The following ATF7IP variants were observed in gnomAD, a reference collection of about 807,000 sequenced individuals.
ATF7IP encodes activating transcription factor 7 interacting protein, also known as activating transcription factor 7-interacting protein 1.
A neutral mutation model predicts 106.4 loss-of-function variants in ATF7IP; 23 were observed. The observed-to-expected ratio is 0.22, with a 90% CI of 0.16 to 0.31. ATF7IP has a LOEUF of 0.31. Ranked by LOEUF, ATF7IP falls within the 10% of genes least tolerant of loss-of-function variation. The pLI, the probability that ATF7IP is intolerant of heterozygous loss-of-function variation, is 1.00. For missense variants in ATF7IP, 1,334 were observed against 1,524.3 expected, an observed-to-expected ratio of 0.88 and a Z score of 2.08; for synonymous variants, 542 against 539.0, an observed-to-expected ratio of 1.01 and a Z score of -0.08.
chr12:14,500,786 A>G lies in ATF7IP; in HGVS notation c.*2713A>G, dbSNP rs1385533540. The G allele has an allele frequency of 1.3e-5, 2 of 149,724 alleles. No homozygotes were observed. The highest frequency in any genetic ancestry group is 3.0e-5 in the Non-Finnish European group (2 of 67,558). 9.3% of individuals were successfully genotyped at this position (149,724 alleles called of 1,614,324 possible). ...TCAGATGAAGAAAGCCCAGTAGAAT[A>G]AAAAAAAAATTCATTAGCCTAGCCT... On this transcript the variant is annotated 3_prime_UTR_variant, in exon 15 of 15. Coordinates refer to ENST00000261168, the MANE Select transcript of ATF7IP (RefSeq NM_018179.5).
At chr12:14,369,303 A>G (rs1401548497) in intron 1 of ATF7IP, 3 of 152,060 alleles carry the variant, frequency 2.0e-5, no homozygotes, top group African/African-American at 7.2e-5. Context: ...TTGTCTGCCC[A>G]GAAAATATTA....
intron 1 of ATF7IP, among the ~76,000 whole-genome samples, chr12:14,414,098 G>C (rs528525950): frequency 3.3e-5 from 5 of 152,296 alleles, no homozygotes; most frequent in African/African-American, 1.2e-4. Context: ...ACATGGAATA[G>C]AACCTAGTTT....
chr12:14,489,545 TCGTGGACC>T (rs1336884624), intron 13 of ATF7IP, among the ~76,000 whole-genome samples: 1 of 152,142 alleles, frequency 6.6e-6, no homozygotes, highest in African/African-American at 2.4e-5. Flanking sequence ...ACCCTCTGAT[TCGTGGACC>T]CATGAATCCT....
At chr12:14,466,455 G>A (rs1298664500) in intron 9 of ATF7IP, 71 bp from the exon 10 acceptor site, 4 of 1,233,410 alleles carry the variant, frequency 3.2e-6, no homozygotes, top group Admixed American at 2.1e-5. Flanking sequence ...TACATGAATT[G>A]TTTCATATAA....
At chr12:14,388,385 C>G (rs894534333) in intron 1 of ATF7IP, among the ~76,000 whole-genome samples, 1 of 148,824 alleles carries the variant, frequency 6.7e-6, no homozygotes, top group Middle Eastern at 3.8e-3. Context: ...CTCACTCTGT[C>G]GCTGAGGCTG....
chr12:14,451,845 G>A lies in ATF7IP; in HGVS notation c.1996-4716G>A, dbSNP rs540715043. The stretch of plus-strand genomic sequence containing the variant: ...TGTATTCTGCTGTTGTTTGATCCAA[G>A]CTTATCCTATGTGTCTGTTAGGTCC... On this transcript the variant is annotated intron_variant, in intron 6 of 14. Transcript: ENST00000261168. Among the ~76,000 whole-genome samples, 8 of 152,160 alleles carry A rather than the reference G, an allele frequency of 5.3e-5. No homozygotes were observed. In the South Asian group the frequency reaches 1.7e-3, roughly 32 times the overall value.
intron 14 of ATF7IP, 100 bp from the exon 15 acceptor site, chr12:14,497,554 A>G: frequency 8.2e-7 from 1 of 1,222,750 alleles, no homozygotes; most frequent in Non-Finnish European, 1.1e-6. Context: ...CTTGATATAA[A>G]ATGATACTTC....
Position 14,415,929 on chromosome 12 carries a change from T to C in ATF7IP, c.-7-7980T>C, listed in dbSNP as rs1003676006. On this transcript the variant is annotated intron_variant, in intron 1 of 14. Coordinates refer to ENST00000261168, the MANE Select transcript of ATF7IP (RefSeq NM_018179.5). ...GAACATTGTCAGATTTTGTTATCTG[T>C]AGGGAGTCCTGGGACCAGTCTCCCA... Among the ~76,000 whole-genome samples, 3 of 152,278 alleles carry C rather than the reference T, an allele frequency of 2.0e-5. No homozygotes were observed. The East Asian group carries it at 5.8e-4, about 29-fold the overall frequency.
chr12:14,461,075 T>C lies in ATF7IP; in HGVS notation c.2739T>C (p.Ile913=). The C allele has an allele frequency of 1.2e-6, 2 of 1,614,146 alleles. No individual in the cohort carries two copies. The highest frequency in any genetic ancestry group is 1.7e-6 in the Non-Finnish European group (2 of 1,180,004). The stretch of plus-strand genomic sequence containing the variant: ...GTCCTATACAGATGAAAATTCCAAT[T>C]TCTGCATTTAGTACTTCGTCTGCTG... ...NRGPIQMKIP[I]SAFSTSSAAE... is the part of the protein sequence containing the mutation. The change falls in exon 9 of 15, where the codon ATT becomes ATC. Residue 913 remains isoleucine, a synonymous_variant. Coordinates refer to ENST00000261168, the MANE Select transcript of ATF7IP (RefSeq NM_018179.5).
At chr12:14,381,820 A>G (rs1293566757) in intron 1 of ATF7IP, among the ~76,000 whole-genome samples, 2 of 151,856 alleles carry the variant, frequency 1.3e-5, no homozygotes, top group Non-Finnish European at 2.9e-5. Flanking sequence ...GAGTTTTCAA[A>G]TAGTATAATA....
At chr12:14,490,567 GA>G (rs1408171103) in intron 13 of ATF7IP, among the ~76,000 whole-genome samples, 2 of 152,144 alleles carry the variant, frequency 1.3e-5, no homozygotes, top group African/African-American at 4.8e-5. Context: ...GGATGTCCTA[GA>G]AAGGGACTGT....
At chr12:14,457,419 A>C in intron 8 of ATF7IP, 124 bp downstream of exon 8, 1 of 696,764 alleles carries the variant, frequency 1.4e-6, no homozygotes, top group Non-Finnish European at 2.3e-6. Context: ...TAAGTACAAA[A>C]ATTTTGTTAA....
chr12:14,457,307 T>A lies in ATF7IP; in HGVS notation c.2158+12T>A. The stretch of plus-strand genomic sequence containing the variant: ...TCCTGTGAATACAGGTAACTTTTTT[T>A]TTAAATACCAAAATACATTTTCTTA... On this transcript the variant is annotated intron_variant, in intron 8 of 14. Transcript: ENST00000261168. 1 of 1,561,546 alleles carries A rather than the reference T, an allele frequency of 6.4e-7. No homozygotes were observed. Among genetic ancestry groups the A allele is most frequent in the Non-Finnish European group, 8.7e-7 (1 of 1,143,938 alleles).
Position 14,498,102 on chromosome 12 carries a change from T to C in ATF7IP, c.*29T>C, listed in dbSNP as rs1321824947. 2.0e-6 allele frequency: 3 copies of C among 1,525,756 alleles called. No homozygotes were observed. The South Asian group carries it at 3.9e-5, about 20-fold the overall frequency. The allele number at this position is 1,525,756 out of a possible 1,614,324, so 94.5% of individuals were successfully genotyped here. ...TTGGAGCCTTTATATTTTCCTCTTT[T>C]AAAATTTCCACCTTTTGGTCTTGTT... is the stretch of plus-strand genomic sequence containing the variant. On this transcript the variant is annotated 3_prime_UTR_variant, in exon 15 of 15. Coordinates refer to ENST00000261168, the MANE Select transcript of ATF7IP (RefSeq NM_018179.5).
intron 6 of ATF7IP, 64 bp from the exon 7 acceptor site, chr12:14,456,497 T>A (rs895717791): frequency 8.4e-7 from 1 of 1,195,480 alleles, no homozygotes; most frequent in Non-Finnish European, 1.2e-6. Flanking sequence ...CAGGTCTAAT[T>A]TTTTTTTAAA....
intron 5 of ATF7IP, among the ~76,000 whole-genome samples, chr12:14,446,271 CTGAG>C (rs1942954650): frequency 6.6e-6 from 1 of 152,074 alleles, no homozygotes; most frequent in Non-Finnish European, 1.5e-5. Flanking sequence ...CTTCAGCCTC[CTGAG>C]TAACTGGGAT....
intron 5 of ATF7IP, among the ~76,000 whole-genome samples, chr12:14,441,487 CTT>C (rs36088397): frequency 9.5e-6 from 1 of 105,258 alleles, no homozygotes. Context: ...ATACCAAAGT[CTT>C]TTTTTTTTTT....
chr12:14,500,260 C>G lies in ATF7IP; in HGVS notation c.*2187C>G, dbSNP rs1405868642. 6.6e-6 allele frequency: 1 copy of G among 152,138 alleles called. No individual in the cohort carries two copies. The highest frequency in any genetic ancestry group is 2.4e-5 in the African/African-American group (1 of 41,434). 9.4% of individuals were successfully genotyped at this position (152,138 alleles called of 1,614,324 possible). ...AGTTGTAAAGAAAACTCTTTAGAGA[C>G]TTTTGACTGGTCAGTATACTGAGGT... On this transcript the variant is annotated 3_prime_UTR_variant, in exon 15 of 15. Coordinates refer to ENST00000261168, the MANE Select transcript of ATF7IP (RefSeq NM_018179.5).
Position 14,432,559 on chromosome 12 carries a change from G to A in ATF7IP, c.1559-1778G>A, listed in dbSNP as rs138628287. 1.1e-3 allele frequency among the ~76,000 whole-genome samples: 171 copies of A among 152,264 alleles called. 2 individuals carry two copies. In the East Asian group the frequency reaches 0.025, roughly 22 times the overall value. ...AATAGTTTTAGTAATTCTGTGTACT[G>A]TGTTAGCTTATTGTTTATCTTACAG... On this transcript the variant is annotated intron_variant, in intron 2 of 14. Coordinates refer to ENST00000261168, the MANE Select transcript of ATF7IP (RefSeq NM_018179.5).
Sources: gnomAD v4.1 joint callset for allele counts (sites outside exome capture counted in the v4.1 genomes callset) on GRCh38, gnomAD v4.1.1 for gene constraint, MANE v1.5 for transcripts, NCBI Gene and HGNC (gene_info 2026-07-23, HGNC 2026-07-21) for gene names.